DLG2: variants seen among roughly 807,000 people sequenced by gnomAD.
DLG2 encodes disks large homolog 2.
DLG2 carries 45 observed loss-of-function variants against 132.5 expected under a neutral mutation model. The ratio of observed to expected loss-of-function variants is 0.34; its 90% CI spans 0.27 to 0.44. The LOEUF (loss-of-function observed/expected upper bound fraction) is 0.44, where lower values mean the gene tolerates loss of function less well. Ranked by LOEUF, DLG2 falls within the 20% of genes least tolerant of loss-of-function variation. DLG2 has a pLI of 1.00. For missense variants in DLG2, 1,045 were observed against 1,196.9 expected, an observed-to-expected ratio of 0.87 and a Z score of 1.87; for synonymous variants, 424 against 419.6, an observed-to-expected ratio of 1.01 and a Z score of -0.13.
chr11:83,617,395 C>A (rs907619948), intron 19 of DLG2, among the ~76,000 whole-genome samples: 9 of 152,080 alleles, frequency 5.9e-5, no homozygotes, highest in African/African-American at 2.2e-4. Context: ...GTTTTTCACT[C>A]CTACTGTCAA....
At chr11:84,027,390 A>G (rs1257653242) in intron 11 of DLG2, among the ~76,000 whole-genome samples, 3 of 152,096 alleles carry the variant, frequency 2.0e-5, no homozygotes, top group Non-Finnish European at 1.5e-5. Context: ...TTCTTAATTG[A>G]TAGTGAAGAC....
intron 6 of DLG2, among the ~76,000 whole-genome samples, chr11:84,612,871 G>A (rs1461267211): frequency 6.6e-6 from 1 of 152,124 alleles, no homozygotes; most frequent in East Asian, 1.9e-4. Flanking sequence ...ACCAGAGCTA[G>A]TAAGTGGTGT....
intron 6 of DLG2, among the ~76,000 whole-genome samples, chr11:84,729,050 T>C (rs1024641655): frequency 2.0e-5 from 3 of 152,144 alleles, no homozygotes; most frequent in Non-Finnish European, 4.4e-5. Context: ...CCTGGATTCA[T>C]TGATTTTTTG....
chr11:83,896,226 G>A (rs1238422640), intron 15 of DLG2, among the ~76,000 whole-genome samples: 1 of 152,200 alleles, frequency 6.6e-6, no homozygotes, highest in Non-Finnish European at 1.5e-5. Context: ...ACAATAAATA[G>A]ATTCTGCTCT....
At chr11:84,587,478 C>A (rs762270335) in intron 6 of DLG2, among the ~76,000 whole-genome samples, 19 of 152,026 alleles carry the variant, frequency 1.2e-4, no homozygotes, top group Non-Finnish European at 1.8e-4. Context: ...ATGTATGTAG[C>A]CTACTATATA....
At chr11:84,484,433 G>C (rs1212400910) in intron 7 of DLG2, among the ~76,000 whole-genome samples, 1 of 152,088 alleles carries the variant, frequency 6.6e-6, no homozygotes, top group Non-Finnish European at 1.5e-5. Context: ...CTGAGATTTT[G>C]TGGTTATCTG....
intron 19 of DLG2, among the ~76,000 whole-genome samples, chr11:83,572,813 A>C (rs2096820398): frequency 6.6e-6 from 1 of 152,102 alleles, no homozygotes; most frequent in African/African-American, 2.4e-5. Context: ...TCTTACTCTG[A>C]ATGAACTCCT....
chr11:85,254,520 C>T (rs533467221), intron 4 of DLG2, among the ~76,000 whole-genome samples: 2 of 151,950 alleles, frequency 1.3e-5, no homozygotes, highest in East Asian at 3.9e-4. Flanking sequence ...ATTTATTAAG[C>T]ATGTATTTAT....
At chr11:84,547,668 C>T (rs114780507) in intron 6 of DLG2, among the ~76,000 whole-genome samples, 4 of 152,266 alleles carry the variant, frequency 2.6e-5, no homozygotes, top group African/African-American at 9.6e-5. Context: ...CCAAATTTGG[C>T]TAAGCATTCT....
At chr11:84,838,706 G>T (rs993079826) in intron 6 of DLG2, among the ~76,000 whole-genome samples, 1 of 151,962 alleles carries the variant, frequency 6.6e-6, no homozygotes, top group Admixed American at 6.6e-5. Flanking sequence ...ATCAACAAAC[G>T]TAATCCATCA....
At chr11:84,582,074 C>G (rs889916234) in intron 6 of DLG2, among the ~76,000 whole-genome samples, 2 of 151,908 alleles carry the variant, frequency 1.3e-5, no homozygotes, top group Non-Finnish European at 2.9e-5. Flanking sequence ...TAAACTCAGG[C>G]CTGTCAGATA....
intron 7 of DLG2, among the ~76,000 whole-genome samples, chr11:84,467,389 G>GA (rs1476534964): frequency 1.3e-4 from 19 of 151,462 alleles, no homozygotes; most frequent in African/African-American, 4.6e-4. Flanking sequence ...CTTATTTATA[G>GA]AAAAAATGCC....
At chr11:84,558,228 G>A (rs779684540) in intron 6 of DLG2, among the ~76,000 whole-genome samples, 1 of 152,092 alleles carries the variant, frequency 6.6e-6, no homozygotes, top group Admixed American at 6.6e-5. Context: ...GTTTGGAGTT[G>A]GTTTATTTCC....
intron 21 of DLG2, among the ~76,000 whole-genome samples, chr11:83,523,567 C>T (rs2095535699): frequency 6.6e-6 from 1 of 152,146 alleles, no homozygotes; most frequent in Non-Finnish European, 1.5e-5. Context: ...TTCTTAACTT[C>T]AGTTTTCTCA....
chr11:84,976,348 C>T (rs2154117244), intron 6 of DLG2, among the ~76,000 whole-genome samples: 1 of 152,136 alleles, frequency 6.6e-6, no homozygotes, highest in South Asian at 2.1e-4. Flanking sequence ...GTATGCTGTA[C>T]CCACGACTGT....
intron 9 of DLG2, among the ~76,000 whole-genome samples, chr11:84,118,482 A>T (rs1008531549): frequency 5.9e-5 from 9 of 152,230 alleles, no homozygotes; most frequent in African/African-American, 1.9e-4. Context: ...GTATAGCCTA[A>T]ATCATTTTTC....
chr11:84,529,896 T>C (rs2099331045), intron 7 of DLG2, among the ~76,000 whole-genome samples: 1 of 152,098 alleles, frequency 6.6e-6, no homozygotes, highest in South Asian at 2.1e-4. Flanking sequence ...CAAACTGTAC[T>C]ACAGGGCTAT....
At chr11:83,880,598 C>A (rs2065954241) in intron 15 of DLG2, among the ~76,000 whole-genome samples, 1 of 152,152 alleles carries the variant, frequency 6.6e-6, no homozygotes, top group Admixed American at 6.5e-5. Context: ...AATAGACAGA[C>A]TCTGGTGTTA....
intron 18 of DLG2, among the ~76,000 whole-genome samples, chr11:83,699,905 G>A (rs200096203): frequency 7.7e-6 from 1 of 129,322 alleles, no homozygotes; most frequent in Non-Finnish European, 1.6e-5. Context: ...ATGTATGTAT[G>A]TATCTATCTT....
Sources: gnomAD v4.1 joint callset for allele counts (sites outside exome capture counted in the v4.1 genomes callset) on GRCh38, gnomAD v4.1.1 for gene constraint, MANE v1.5 for transcripts, NCBI Gene and HGNC (gene_info 2026-07-23, HGNC 2026-07-21) for gene names.